PDE12: variants seen among roughly 807,000 people sequenced by gnomAD.
PDE12 encodes 2',5'-phosphodiesterase 12.
PDE12 carries 26 observed loss-of-function variants against 45.4 expected under a neutral mutation model. That is an observed-to-expected ratio of 0.57 (90% CI 0.42 to 0.79). The LOEUF is 0.79. PDE12 is among the 30% of genes least tolerant of loss of function. PDE12 has a pLI of 0.00. For synonymous variants in PDE12, 283 were observed against 323.9 expected, an observed-to-expected ratio of 0.87 and a Z score of 1.36; for missense variants, 668 against 790.0, an observed-to-expected ratio of 0.85 and a Z score of 1.85.
At chr3:57,583,379 C>T in the PDE12 span, among the ~76,000 whole-genome samples, 1 of 152,158 alleles carries the variant, frequency 6.6e-6, no homozygotes, top group Non-Finnish European at 1.5e-5. Context: ...GTGCCACCCC[C>T]AAATTTGAGA....
At chr3:57,596,806 C>G in the PDE12 span, 3 of 442,706 alleles carry the variant, frequency 6.8e-6, no homozygotes, top group South Asian at 7.2e-5. Flanking sequence ...TGTTGTCCAG[C>G]TTTCAATAAG....
the PDE12 span, among the ~76,000 whole-genome samples, chr3:57,632,014 G>A: frequency 5.4e-5 from 7 of 129,128 alleles, no homozygotes; most frequent in Admixed American, 1.7e-4. Context: ...GAGCCACCGC[G>A]CCCGGCCTTT....
At position 57,558,460 on chromosome 3, in the gene PDE12, G is replaced by C. The variant is rs529045879; in HGVS notation, c.1308+773G>C. 2.6e-5 allele frequency among the ~76,000 whole-genome samples: 4 copies of C among 151,802 alleles called. No homozygotes were observed. The South Asian group carries it at 8.3e-4, about 31-fold the overall frequency. On this transcript the variant is annotated intron_variant, in intron 1 of 2. Transcript: ENST00000311180. ...AAAGTGTTGTCATGTAAAATGTATT[G>C]TTTATATTACTAGCTTTATATATTG...
At chr3:57,628,332 C>G in the PDE12 span, 823 of 1,613,786 alleles carry the variant, frequency 5.1e-4, no homozygotes, top group Non-Finnish European at 6.6e-4. Flanking sequence ...TAAGTGCTCT[C>G]GATCAGCCTG....
chr3:57,629,400 C>T, the PDE12 span, among the ~76,000 whole-genome samples: 6 of 150,676 alleles, frequency 4.0e-5, no homozygotes, highest in Non-Finnish European at 8.8e-5. Flanking sequence ...GCACACCTCA[C>T]ATTTAAAGCT....
At chr3:57,586,052 C>CTA in the PDE12 span, among the ~76,000 whole-genome samples, 1 of 152,146 alleles carries the variant, frequency 6.6e-6, no homozygotes, top group African/African-American at 2.4e-5. Context: ...GAACAAGAGG[C>CTA]TATACCTCCT....
the PDE12 span, chr3:57,641,519 G>A: frequency 1.6e-5 from 9 of 561,240 alleles, no homozygotes; most frequent in Admixed American, 2.4e-4. Flanking sequence ...TGGGAAATTA[G>A]CAGGAAATTA....
the PDE12 span, among the ~76,000 whole-genome samples, chr3:57,610,883 T>A: frequency 6.6e-6 from 1 of 152,118 alleles, no homozygotes; most frequent in African/African-American, 2.4e-5. Flanking sequence ...TGGAAAAAAC[T>A]ACCTTAAAGT....
the PDE12 span, chr3:57,584,149 G>T: frequency 1.4e-6 from 1 of 710,792 alleles, no homozygotes; most frequent in Non-Finnish European, 2.3e-6. Context: ...CATCAACAGA[G>T]ACAAGGCCTC....
chr3:57,575,533 C>A, the PDE12 span: 1 of 1,602,944 alleles, frequency 6.2e-7, no homozygotes, highest in Non-Finnish European at 8.5e-7. Flanking sequence ...TTAATATCAA[C>A]CTCCAAATAC....
the PDE12 span, among the ~76,000 whole-genome samples, chr3:57,573,529 A>G: frequency 6.6e-6 from 1 of 152,316 alleles, no homozygotes; most frequent in Non-Finnish European, 1.5e-5. Flanking sequence ...ATACCTTCAC[A>G]GCATGGAAAA....
chr3:57,570,217 G>GTGTT, downstream of PDE12, among the ~76,000 whole-genome samples: 2 of 65,344 alleles, frequency 3.1e-5, no homozygotes, highest in South Asian at 7.1e-4. Context: ...GGTTAATCCA[G>GTGTT]TGTTTTTTTT....
chr3:57,575,695 T>C, the PDE12 span: 13 of 1,594,538 alleles, frequency 8.2e-6, no homozygotes, highest in Non-Finnish European at 1.1e-5. Context: ...AGGTAAGGCA[T>C]TAACAACTAC....
In PDE12 at chr3:57,556,638, G is replaced by C; in HGVS notation, c.259G>C (p.Ala87Pro). Residue 87 changes from alanine (A) to proline (P), a missense_variant, in exon 1 of 3, where the codon GCT becomes CCT. By Grantham distance (27) the Ala-to-Pro change is conservative. This residue lies in a region of PDE12 where 580 missense variants were observed against 662.9 expected (regional missense o/e 0.87). Transcript: ENST00000311180. The surrounding 1 kb of genome is among the most constrained non-coding windows in gnomAD (Gnocchi z 5.0). ...CGCTACCAATGCCCTAAAGGGTCAC[G>C]CTAAGGCGGCCGCCGCCAAGAAGAG... is the stretch of plus-strand genomic sequence containing the variant. Reference protein sequence around the residue: ...RIATNALKGHAKAAAAKKSRK... With the variant: ...RIATNALKGHPKAAAAKKSRK... 1.2e-6 allele frequency: 2 copies of C among 1,603,058 alleles called. No homozygotes were observed. The highest frequency in any genetic ancestry group is 2.2e-5 in the South Asian group (2 of 90,770).
chr3:57,604,822 A>G, the PDE12 span, among the ~76,000 whole-genome samples: 3 of 151,960 alleles, frequency 2.0e-5, no homozygotes, highest in African/African-American at 7.2e-5. Context: ...TTTGTTGCCT[A>G]GGCTGGTCTT....
Position 57,562,206 on chromosome 3 carries a change from C to A in PDE12, c.*2202C>A. The A allele has an allele frequency of 1.5e-6, 1 of 672,884 alleles. No individual in the cohort carries two copies. Among genetic ancestry groups the A allele is most frequent in the Non-Finnish European group, 1.8e-6 (1 of 544,838 alleles). 41.7% of individuals were successfully genotyped at this position (672,884 alleles called of 1,614,324 possible). On this transcript the variant is annotated 3_prime_UTR_variant, in exon 3 of 3. Coordinates refer to ENST00000311180, the MANE Select transcript of PDE12 (RefSeq NM_177966.7). Reference sequence around the variant, plus strand: ...AATTCGAACATGCCCATGAAAAAAGCATACAGCTTCCACATTAACACTGGC... The same window carrying A: ...AATTCGAACATGCCCATGAAAAAAGAATACAGCTTCCACATTAACACTGGC...
At chr3:57,644,599 C>T in the PDE12 span, among the ~76,000 whole-genome samples, 5 of 148,126 alleles carry the variant, frequency 3.4e-5, no homozygotes, top group South Asian at 4.4e-4. Context: ...TGGGCCATCA[C>T]GACTGGCTGG....
At chr3:57,599,080 T>A in the PDE12 span, among the ~76,000 whole-genome samples, 1 of 152,186 alleles carries the variant, frequency 6.6e-6, no homozygotes, top group African/African-American at 2.4e-5. Flanking sequence ...TTTGGTTTTA[T>A]ACATTCTAGG....
intron 2 of PDE12, 84 bp from the exon 3 acceptor site, chr3:57,559,478 G>T (rs556478217): frequency 9.6e-6 from 15 of 1,562,850 alleles, no homozygotes; most frequent in Non-Finnish European, 1.3e-5. Flanking sequence ...ACGTCACCCA[G>T]AGACTGTAAT....
Sources: allele counts gnomAD v4.1 joint callset (sites outside exome capture counted in the v4.1 genomes callset), GRCh38; gene constraint gnomAD v4.1.1; regional missense constraint gnomAD v4.1.1; non-coding constraint Gnocchi (gnomAD v3.1); transcripts MANE v1.5; gene names NCBI Gene and HGNC (gene_info 2026-07-23, HGNC 2026-07-21).